TNFRSF8: variants seen among roughly 807,000 people sequenced by gnomAD.
TNFRSF8 encodes tumor necrosis factor receptor superfamily member 8.
TNFRSF8 carries 26 observed loss-of-function variants against 70.8 expected under a neutral mutation model. The observed-to-expected ratio is 0.37, with a 90% CI of 0.27 to 0.51. The LOEUF is 0.51. Ranked by LOEUF, TNFRSF8 falls within the 20% of genes least tolerant of loss-of-function variation. The pLI is 0.94. For missense variants in TNFRSF8, 720 were observed against 807.9 expected, an observed-to-expected ratio of 0.89 and a Z score of 1.32; for synonymous variants, 356 against 339.2, an observed-to-expected ratio of 1.05 and a Z score of -0.54.
intron 12 of TNFRSF8, among the ~76,000 whole-genome samples, chr1:12,134,091 C>T (rs1218729647): frequency 1.3e-5 from 2 of 152,134 alleles, no homozygotes; most frequent in African/African-American, 2.4e-5. Flanking sequence ...ACCTAGTGTC[C>T]ACACAGCGTG....
chr1:12,077,610 C>T (rs529273443), intron 1 of TNFRSF8, among the ~76,000 whole-genome samples: 1 of 152,224 alleles, frequency 6.6e-6, no homozygotes, highest in Non-Finnish European at 1.5e-5. Context: ...GCTAGGCACA[C>T]AGCACATGAC....
At chr1:12,106,801 C>G (rs955311548) in intron 4 of TNFRSF8, among the ~76,000 whole-genome samples, 2 of 152,122 alleles carry the variant, frequency 1.3e-5, no homozygotes, top group Non-Finnish European at 2.9e-5. Flanking sequence ...GGGGCATGTT[C>G]CCACCCGCCT....
At chr1:12,081,657 CA>C (rs398102446) in intron 1 of TNFRSF8, among the ~76,000 whole-genome samples, 239 of 145,160 alleles carry the variant, frequency 1.6e-3, no homozygotes, top group Middle Eastern at 3.5e-3. Flanking sequence ...TTCAGACATG[CA>C]AAAAAAAAAA....
rs1454484600 is a variant in TNFRSF8, at chr1:12,113,622, A to T, written c.793+1608A>T. 6.6e-6 allele frequency among the ~76,000 whole-genome samples: 1 copy of T among 151,890 alleles called. No homozygotes were observed. The highest frequency in any genetic ancestry group is 1.5e-5 in the Non-Finnish European group (1 of 67,972). On this transcript the variant is annotated intron_variant, in intron 7 of 14. Coordinates refer to ENST00000263932, the MANE Select transcript of TNFRSF8 (RefSeq NM_001243.5). This position sits in a 1 kb window ranked among gnomAD's most constrained non-coding sequence, Gnocchi z 4.9. ...GAGAGAGTGAGAGAGAGACAGAAAG[A>T]GGGAGAGAGAGAGACAGAAAGAGAA... is the stretch of plus-strand genomic sequence containing the variant.
chr1:12,087,696 G>A (rs12133231), intron 2 of TNFRSF8, among the ~76,000 whole-genome samples: 38,451 of 152,116 alleles, frequency 0.25, 5,247 homozygotes, highest in South Asian at 0.38. Flanking sequence ...CACAATCCCA[G>A]CCACAAGGAG....
intron 2 of TNFRSF8, among the ~76,000 whole-genome samples, chr1:12,095,939 C>T (rs1463587396): frequency 6.6e-6 from 1 of 152,260 alleles, no homozygotes; most frequent in Non-Finnish European, 1.5e-5. Flanking sequence ...GTCCTGCCCA[C>T]ACCATGCCCA....
intron 7 of TNFRSF8, 125 bp from the exon 8 acceptor site, chr1:12,115,452 A>T (rs1290100875): frequency 9.5e-7 from 1 of 1,052,168 alleles, no homozygotes; most frequent in Admixed American, 1.7e-5. Context: ...GCATAGTCAG[A>T]CGAGCATTTA....
chr1:12,115,668 C>T lies in TNFRSF8; in HGVS notation c.885C>T (p.Asn295=). ...TGATCTGTGCCACATCAGCCACCAA[C>T]TCCTGTGCCCGCTGTGTCCCCTACC... ...PGMICATSAT[N]SCARCVPYPI... is the part of the protein sequence containing the mutation. Residue 295 remains asparagine, a synonymous_variant, in exon 8 of 15, where the codon AAC becomes AAT. Transcript: ENST00000263932. 1 of 1,614,228 alleles carries T rather than the reference C, an allele frequency of 6.2e-7. No individual in the cohort carries two copies. The highest frequency in any genetic ancestry group is 1.1e-5 in the South Asian group (1 of 91,092).
At chr1:12,096,555 G>C (rs1237060812) in intron 2 of TNFRSF8, among the ~76,000 whole-genome samples, 1 of 152,052 alleles carries the variant, frequency 6.6e-6, no homozygotes, top group Non-Finnish European at 1.5e-5. Flanking sequence ...GGACAAGCTT[G>C]GTCTAGACTT....
chr1:12,118,128 T>A (rs1299262121), intron 8 of TNFRSF8, among the ~76,000 whole-genome samples: 6 of 152,002 alleles, frequency 3.9e-5, no homozygotes, highest in Non-Finnish European at 8.8e-5. Context: ...CTTTTCTTTT[T>A]GAGACAAAGT....
chr1:12,070,668 C>T (rs575704902), intron 1 of TNFRSF8, among the ~76,000 whole-genome samples: 1 of 152,272 alleles, frequency 6.6e-6, no homozygotes, highest in South Asian at 2.1e-4. Context: ...GTGGATGGGT[C>T]TGGTGGGAGC....
At position 12,142,512 on chromosome 1, in the gene TNFRSF8, C is replaced by T. The variant is rs1382273245; in HGVS notation, c.1769C>T (p.Thr590Ile). ...GAAGGGAAAGAAGACCCCTTGCCCACAGCTGCCTCTGGAAAGTGAGGCCTG... is the reference window on the plus strand; with the variant it reads ...GAAGGGAAAGAAGACCCCTTGCCCATAGCTGCCTCTGGAAAGTGAGGCCTG... ...EEEGKEDPLP[T>I]AASGK Residue 590 changes from threonine (T) to isoleucine (I), a missense_variant, in exon 15 of 15, where the codon ACA (threonine) becomes ATA (isoleucine). Coordinates refer to ENST00000263932, the MANE Select transcript of TNFRSF8 (RefSeq NM_001243.5). The surrounding 1 kb of genome is among the most constrained non-coding windows in gnomAD (Gnocchi z 5.0). 6.4e-7 allele frequency: 1 copy of T among 1,574,064 alleles called. No homozygotes were observed. Among genetic ancestry groups the T allele is most frequent in the Non-Finnish European group, 8.6e-7 (1 of 1,159,844 alleles).
In TNFRSF8 at chr1:12,113,546, T is replaced by A. The variant is rs1201677826; in HGVS notation, c.793+1532T>A. Reference sequence around the variant, plus strand: ...GAGACAGAAAGAGGGAGAGAAAGAGTGAGAGAGAGAAAGAGAGAGACAGAG... The same window carrying A: ...GAGACAGAAAGAGGGAGAGAAAGAGAGAGAGAGAGAAAGAGAGAGACAGAG... On this transcript the variant is annotated intron_variant, in intron 7 of 14. Transcript: ENST00000263932. The surrounding 1 kb of genome is among the most constrained non-coding windows in gnomAD (Gnocchi z 4.9). Among the ~76,000 whole-genome samples, 240 of 111,142 alleles carry A rather than the reference T, an allele frequency of 2.2e-3. No individual in the cohort carries two copies. The highest frequency in any genetic ancestry group is 4.0e-3 in the South Asian group (13 of 3,282). The allele number at this position is 111,142 out of a possible 152,430, so 72.9% of individuals were successfully genotyped here.
intron 4 of TNFRSF8, 116 bp downstream of exon 4, chr1:12,104,647 A>G: frequency 4.7e-6 from 6 of 1,289,674 alleles, no homozygotes; most frequent in Non-Finnish European, 6.5e-6. Context: ...ACTGTTGGAC[A>G]GATCATGTCT....
chr1:12,103,729 A>C (rs1048209785), intron 3 of TNFRSF8, among the ~76,000 whole-genome samples: 1 of 152,090 alleles, frequency 6.6e-6, no homozygotes, highest in African/African-American at 2.4e-5. Context: ...ATGAGGGCAA[A>C]TGATCCTCCT....
At chr1:12,069,240 G>A (rs1284565307) in intron 1 of TNFRSF8, among the ~76,000 whole-genome samples, 1 of 134,824 alleles carries the variant, frequency 7.4e-6, no homozygotes, top group Non-Finnish European at 1.5e-5. Context: ...GTGCAATGGC[G>A]CTGTCTCAGC....
intron 8 of TNFRSF8, among the ~76,000 whole-genome samples, chr1:12,118,300 G>A (rs764615788): frequency 7.2e-5 from 11 of 151,852 alleles, no homozygotes; most frequent in Admixed American, 1.3e-4. Context: ...TAGTAGAGAC[G>A]GGGTTTCACC....
At position 12,097,125 on chromosome 1, in the gene TNFRSF8, C is replaced by T. The variant is rs1423182224; in HGVS notation, c.176C>T (p.Pro59Leu). ...GGGCTGTTCCCGACACAGCAGTGCC[C>T]ACAGAGGCCTACTGACTGCAGGAAG... ...PMGLFPTQQC[P>L]QRPTDCRKQC... is the part of the protein sequence containing the mutation. Residue 59 changes from proline to leucine, a missense_variant, in exon 3 of 15, where the codon CCA becomes CTA. Physicochemically the swap from Pro to Leu is moderately conservative, Grantham distance 98. Transcript: ENST00000263932. 1.2e-6 allele frequency: 2 copies of T among 1,613,876 alleles called. No individual in the cohort carries two copies. Among genetic ancestry groups the T allele is most frequent in the Non-Finnish European group, 1.7e-6 (2 of 1,179,954 alleles).
chr1:12,133,515 G>A (rs1278343542), intron 12 of TNFRSF8, among the ~76,000 whole-genome samples: 2 of 151,920 alleles, frequency 1.3e-5, no homozygotes, highest in Non-Finnish European at 2.9e-5. Flanking sequence ...GCCGAGGCGG[G>A]TGGATCACGA....
Sources: gnomAD v4.1 joint callset for allele counts (sites outside exome capture counted in the v4.1 genomes callset) on GRCh38, gnomAD v4.1.1 for gene constraint, Gnocchi (gnomAD v3.1) non-coding constraint, MANE v1.5 for transcripts, NCBI Gene and HGNC (gene_info 2026-07-23, HGNC 2026-07-21) for gene names.